The following ATN1 variants were observed in gnomAD, a reference collection of about 807,000 sequenced individuals.
ATN1 encodes atrophin 1.
A neutral mutation model predicts 85.8 loss-of-function variants in ATN1; 19 were observed. That is an observed-to-expected ratio of 0.22 (90% CI 0.15 to 0.32). The LOEUF (loss-of-function observed/expected upper bound fraction) is 0.32, where lower values mean the gene tolerates loss of function less well. ATN1 is among the 10% of genes least tolerant of loss of function. The pLI is 1.00. For synonymous variants in ATN1, 674 were observed against 657.0 expected (o/e 1.03, Z -0.39); for missense variants, 1,453 against 1,564.5 (o/e 0.93, Z 1.20).
chr12:6,925,117 C>CGTGTGCGTGTGTGTGTGTGTGTGT (rs1555142455), upstream of ATN1, among the ~76,000 whole-genome samples: 3 of 143,718 alleles, frequency 2.1e-5, no homozygotes, highest in African/African-American at 8.1e-5. Flanking sequence ...TGTGCGTGTG[C>CGTGTGCGTGTGTGTGTGTGTGTGT]GTGTGTGTGT....
In ATN1 at chr12:6,935,507, G is replaced by A. The variant is rs782331859; in HGVS notation, c.280-40G>A. ...AGAGCCCCAAATCTCAGGGAAGCAG[G>A]AAAGGAAAAGAGAAAAAATGAGTCT... On this transcript the variant is annotated intron_variant, in intron 4 of 9. Transcript: ENST00000396684. This position sits in a 1 kb window ranked among gnomAD's most constrained non-coding sequence, Gnocchi z 5.3. 6.9e-6 allele frequency: 11 copies of A among 1,590,056 alleles called. No homozygotes were observed. Among genetic ancestry groups the A allele is most frequent in the East Asian group, 2.2e-5 (1 of 44,620 alleles).
At chr12:6,939,271 C>T (rs1486088079) in intron 7 of ATN1, 94 bp downstream of exon 7, 2 of 1,449,492 alleles carry the variant, frequency 1.4e-6, no homozygotes, top group Non-Finnish European at 1.8e-6. Flanking sequence ...ACTTTCCTCC[C>T]CTGGCCTGGC....
intron 7 of ATN1, among the ~76,000 whole-genome samples, chr12:6,940,631 C>A (rs377643047): frequency 6.6e-6 from 1 of 152,186 alleles, no homozygotes; most frequent in East Asian, 1.9e-4. Context: ...CTACCTCTCT[C>A]TGTCCTTCCC....
rs781912725 is a variant in ATN1 at position 6,938,518 on chromosome 12, C to T, written c.2555C>T (p.Pro852Leu). The change falls in exon 7 of 10, where the codon CCA (proline) becomes CTA (leucine). Residue 852 changes from proline (P) to leucine (L), a missense_variant. Around this residue, in one of 6 missense-constraint regions of ATN1, gnomAD observed 990 missense variants for 914.8 expected, o/e 1.08. Coordinates refer to ENST00000396684, the MANE Select transcript of ATN1 (RefSeq NM_001940.4). ...GAGGGCCGTGCTCCGGTGGAATGCC[C>T]ATCTCTGGGCCCAGTGCCCCATCGC... Reference protein sequence around the residue: ...AQEGRAPVECPSLGPVPHRPP... With the variant: ...AQEGRAPVECLSLGPVPHRPP... 16 of 1,612,530 alleles carry T rather than the reference C, an allele frequency of 9.9e-6. No homozygotes were observed. The South Asian group carries it at 1.6e-4, about 17-fold the overall frequency.
Position 6,942,118 on chromosome 12 carries a change from C to T in ATN1, c.*338C>T, listed in dbSNP as rs1945645424. The T allele has an allele frequency of 7.5e-6, 3 of 401,776 alleles. No homozygotes were observed. Among genetic ancestry groups the T allele is most frequent in the East Asian group, 9.3e-5 (2 of 21,428 alleles). The allele number at this position is 401,776 out of a possible 1,614,324, so 24.9% of individuals were successfully genotyped here. On this transcript the variant is annotated 3_prime_UTR_variant, in exon 10 of 10. Transcript: ENST00000396684. ...TGCCCCGTTGGTGTGATTATTTCAT[C>T]TGTTAGATGTGGCTGTTTTGCGTAG...
rs782214874 is a variant in ATN1 at position 6,936,739 on chromosome 12, AGC to A, written c.1473_1474del (p.Gln492AlafsTer31). On this transcript the variant is annotated frameshift_variant, in exon 5 of 10. Coordinates refer to ENST00000396684, the MANE Select transcript of ATN1 (RefSeq NM_001940.4). LOFTEE classifies it high-confidence loss of function. Reference sequence around the variant, plus strand: ...CACCAGCAACAGCAACAGCAGCAGCAGCAGCAGCAGCAGCAGCAGCAGCAGCA... The same window carrying A: ...CACCAGCAACAGCAACAGCAGCAGCAAGCAGCAGCAGCAGCAGCAGCAGCA... 5.6e-6 allele frequency: 5 copies of A among 894,570 alleles called. No homozygotes were observed. In the South Asian group the frequency reaches 7.6e-5, roughly 14 times the overall value. The allele number at this position is 894,570 out of a possible 1,614,324, so 55.4% of individuals were successfully genotyped here. A position where few individuals can be genotyped will look rare whatever the true frequency, so the allele number is the denominator to read the frequency against.
chr12:6,936,262 C>T lies in ATN1; in HGVS notation c.995C>T (p.Pro332Leu). Reference sequence around the variant, plus strand: ...CCACTACCTGGTCATCTGCCCTCTCCCCACGCCATGGGACAGGGTATGGGT... The same window carrying T: ...CCACTACCTGGTCATCTGCCCTCTCTCCACGCCATGGGACAGGGTATGGGT... ...AQPLPGHLPS[P>L]HAMGQGMGGL... Residue 332 changes from proline (P) to leucine (L), a missense_variant, in exon 5 of 10, where the codon CCC (proline) becomes CTC (leucine). Physicochemically the swap from Pro to Leu is moderately conservative, Grantham distance 98 (BLOSUM62 -3). Coordinates refer to ENST00000396684, the MANE Select transcript of ATN1 (RefSeq NM_001940.4). 1.2e-6 allele frequency: 2 copies of T among 1,611,232 alleles called. No individual in the cohort carries two copies. Among genetic ancestry groups the T allele is most frequent in the South Asian group, 1.1e-5 (1 of 90,824 alleles).
chr12:6,939,305 C>A, intron 7 of ATN1, 128 bp downstream of exon 7: 1 of 1,353,002 alleles, frequency 7.4e-7, no homozygotes, highest in Non-Finnish European at 9.8e-7. Flanking sequence ...GAGATTGCTG[C>A]CCTGAACTTT....
At position 6,936,373 on chromosome 12, in the gene ATN1, C is replaced by G; in HGVS notation, c.1106C>G (p.Pro369Arg). 6.2e-7 allele frequency: 1 copy of G among 1,613,914 alleles called. No individual in the cohort carries two copies. Among genetic ancestry groups the G allele is most frequent in the Non-Finnish European group, 8.5e-7 (1 of 1,179,948 alleles). ...LPPASSSAPA[P>R]PMRFPYSSSS... is the part of the protein sequence containing the mutation. ...CCTGCTTCCTCTTCTGCTCCAGCGC[C>G]CCCCATGAGGTTTCCTTATTCATCC... is the stretch of plus-strand genomic sequence containing the variant. Residue 369 changes from proline (P) to arginine (R), a missense_variant, in exon 5 of 10, where the codon CCC (proline) becomes CGC (arginine). Pro to Arg is a moderately radical substitution (Grantham distance 103, BLOSUM62 -2). This residue lies in a region of ATN1 where 990 missense variants were observed against 914.8 expected (regional missense o/e 1.08). Coordinates refer to ENST00000396684, the MANE Select transcript of ATN1 (RefSeq NM_001940.4).
In ATN1 at chr12:6,934,694, A is replaced by G. The variant is rs1945508965; in HGVS notation, c.279+116A>G. The G allele has an allele frequency of 5.3e-6, 4 of 758,284 alleles. No homozygotes were observed. Among genetic ancestry groups the G allele is most frequent in the Non-Finnish European group, 8.9e-6 (4 of 449,022 alleles). 47.0% of individuals were successfully genotyped at this position (758,284 alleles called of 1,614,324 possible). Reference sequence around the variant, plus strand: ...TGGGACATAAGAGAAAGGCCAGATCATAGTGCTTATGAGAGCAGTTCTGTC... The same window carrying G: ...TGGGACATAAGAGAAAGGCCAGATCGTAGTGCTTATGAGAGCAGTTCTGTC... On this transcript the variant is annotated intron_variant, in intron 4 of 9. Coordinates refer to ENST00000396684, the MANE Select transcript of ATN1 (RefSeq NM_001940.4). This position sits in a 1 kb window ranked among gnomAD's most constrained non-coding sequence, Gnocchi z 4.5.
rs201288072 is a variant in ATN1 at position 6,941,737 on chromosome 12, C to G, written c.3540-10C>G. On this transcript the variant is annotated splice_polypyrimidine_tract_variant and intron_variant, in intron 9 of 9. Coordinates refer to ENST00000396684, the MANE Select transcript of ATN1 (RefSeq NM_001940.4). This position sits in a 1 kb window ranked among gnomAD's most constrained non-coding sequence, Gnocchi z 5.9. The stretch of plus-strand genomic sequence containing the variant: ...TCTTACCTCTCTGCTATGCACTGCC[C>G]CTTCCCTAGTCACCTGAAGAAGGAA... The G allele has an allele frequency of 6.2e-7, 1 of 1,613,934 alleles. No homozygotes were observed. The highest frequency in any genetic ancestry group is 8.5e-7 in the Non-Finnish European group (1 of 1,179,824).
Position 6,935,977 on chromosome 12 carries a change from G to A in ATN1, c.710G>A (p.Gly237Glu). The A allele has an allele frequency of 6.3e-7, 1 of 1,589,758 alleles. No individual in the cohort carries two copies. Among genetic ancestry groups the A allele is most frequent in the Non-Finnish European group, 8.6e-7 (1 of 1,167,622 alleles). ...VLSGPPMGPK[G>E]GGAASSVGGP... is the part of the protein sequence containing the mutation. ...TCTGGACCCCCAATGGGTCCCAAGG[G>A]GGGAGGGGCTGCCTCATCAGTGGGG... Residue 237 changes from glycine to glutamate, a missense_variant, in exon 5 of 10, where the codon GGG becomes GAG. By Grantham distance (98) the Gly-to-Glu change is moderately conservative. Around this residue, in one of 6 missense-constraint regions of ATN1, gnomAD observed 990 missense variants for 914.8 expected, o/e 1.08. Transcript: ENST00000396684. This position sits in a 1 kb window ranked among gnomAD's most constrained non-coding sequence, Gnocchi z 5.3.
At position 6,937,666 on chromosome 12, in the gene ATN1, T is replaced by G. The variant is rs1294970872; in HGVS notation, c.2294+105T>G. ...GGGGCCTTGCGCTGGTGTAGTGTTT[T>G]AGAAAAGCACGCCCCTCTCCTCCGT... On this transcript the variant is annotated intron_variant, in intron 5 of 9. Transcript: ENST00000396684. The surrounding 1 kb of genome is among the most constrained non-coding windows in gnomAD (Gnocchi z 6.0). The G allele has an allele frequency of 1.6e-5, 23 of 1,429,956 alleles. No individual in the cohort carries two copies. Among genetic ancestry groups the G allele is most frequent in the Non-Finnish European group, 2.1e-5 (23 of 1,090,768 alleles). 88.6% of individuals were successfully genotyped at this position (1,429,956 alleles called of 1,614,324 possible).
rs34374667 is a variant in ATN1, at chr12:6,932,034, CAAAAAAA to C, written c.-162-1785_-162-1779del. ...GGGCAACAAGAGTGAAACTCTGTCTCAAAAAAAAAAAAAAAAAAAAAAAAAAAGACAA... is the reference window on the plus strand; with the variant it reads ...GGGCAACAAGAGTGAAACTCTGTCTCAAAAAAAAAAAAAAAAAAAAGACAA... On this transcript the variant is annotated intron_variant, in intron 1 of 9. Transcript: ENST00000396684. 9.0e-3 allele frequency among the ~76,000 whole-genome samples: 454 copies of C among 50,720 alleles called. 1 individual carries two copies. Among genetic ancestry groups the C allele is most frequent in the African/African-American group, 0.03 (430 of 14,370 alleles). The allele number at this position is 50,720 out of a possible 152,430, so 33.3% of individuals were successfully genotyped here.
At chr12:6,931,990 C>T (rs1228572836) in intron 1 of ATN1, among the ~76,000 whole-genome samples, 9 of 140,728 alleles carry the variant, frequency 6.4e-5, no homozygotes, top group Admixed American at 7.5e-5. Context: ...AGTGAGATCA[C>T]GCCACTGCAC....
At chr12:6,932,744 A>G (rs1263220230) in intron 1 of ATN1, among the ~76,000 whole-genome samples, 1 of 152,228 alleles carries the variant, frequency 6.6e-6, no homozygotes, top group African/African-American at 2.4e-5. Context: ...CTCAAGTACT[A>G]GAGAATGGGT....
In ATN1 at chr12:6,936,722, ACAGCAACAGCAGCAGCAGCAGCAGCAG is replaced by A. The variant is rs1565566555; in HGVS notation, c.1461_1487del (p.Gln494_Gln502del). 7.9e-6 allele frequency: 12 copies of A among 1,525,120 alleles called. No individual in the cohort carries two copies. Among genetic ancestry groups the A allele is most frequent in the East Asian group, 2.6e-5 (1 of 38,722 alleles). 94.5% of individuals were successfully genotyped at this position (1,525,120 alleles called of 1,614,324 possible). A position where few individuals can be genotyped will look rare whatever the true frequency, so the allele number is the denominator to read the frequency against. On this transcript the variant is annotated inframe_deletion, in exon 5 of 10. Transcript: ENST00000396684. ...CAACACATCACCATCACCACCAGCAACAGCAACAGCAGCAGCAGCAGCAGCAGCAGCAGCAGCAGCAGCAGCAGCAGC... is the reference window on the plus strand; with the variant it reads ...CAACACATCACCATCACCACCAGCAACAGCAGCAGCAGCAGCAGCAGCAGC...
chr12:6,938,082 G>T lies in ATN1; in HGVS notation c.2517+15G>T. On this transcript the variant is annotated intron_variant, in intron 6 of 9. Transcript: ENST00000396684. ...AACGCAGCGTGGTGAGTGCGTCACT[G>T]CCTGCGCCACCGCCTTCTTTCCCTC... 6.5e-7 allele frequency: 1 copy of T among 1,534,324 alleles called. No homozygotes were observed. The highest frequency in any genetic ancestry group is 1.2e-5 in the South Asian group (1 of 83,022).
At chr12:6,940,458 G>A (rs1555144493) in intron 7 of ATN1, among the ~76,000 whole-genome samples, 1 of 152,096 alleles carries the variant, frequency 6.6e-6, no homozygotes, top group Non-Finnish European at 1.5e-5. Context: ...TGTAGAAACA[G>A]GGTTTCACCA....
Sources: gnomAD v4.1 joint callset for allele counts (sites outside exome capture counted in the v4.1 genomes callset) on GRCh38, gnomAD v4.1.1 for gene constraint, gnomAD v4.1.1 regional missense constraint, Gnocchi (gnomAD v3.1) non-coding constraint, MANE v1.5 for transcripts, NCBI Gene and HGNC (gene_info 2026-07-23, HGNC 2026-07-21) for gene names.